IMPA2: variants seen among roughly 807,000 people sequenced by gnomAD.
IMPA2 encodes the protein IMP 2.
In IMPA2, 32 loss-of-function variants were observed where a neutral mutation model predicts 35.1. The observed-to-expected ratio is 0.91, with a 90% CI of 0.69 to 1.23. The LOEUF (loss-of-function observed/expected upper bound fraction) is 1.23. Ranked by LOEUF, IMPA2 falls within the 50% of genes most tolerant of loss-of-function variation. The pLI is 0.00. For missense variants in IMPA2, 334 were observed against 387.6 expected (o/e 0.86, Z 1.16); for synonymous variants, 135 against 160.6 (o/e 0.84, Z 1.20).
At chr18:12,021,422 G>A (rs1762559735) in intron 5 of IMPA2, among the ~76,000 whole-genome samples, 1 of 150,914 alleles carries the variant, frequency 6.6e-6, no homozygotes, top group South Asian at 2.1e-4. Flanking sequence ...ACTGATGAAA[G>A]TGTAGTCACA....
At chr18:12,029,356 CG>C (rs1356094197) in intron 7 of IMPA2, among the ~76,000 whole-genome samples, 1 of 151,554 alleles carries the variant, frequency 6.6e-6, no homozygotes. Flanking sequence ...CCTCGTGATC[CG>C]CCTGCCTCGG....
At position 11,981,577 on chromosome 18, in the gene IMPA2, G is replaced by A; in HGVS notation, c.-93G>A. The A allele has an allele frequency of 2.5e-6, 2 of 795,016 alleles. No homozygotes were observed. The highest frequency in any genetic ancestry group is 3.4e-6 in the Non-Finnish European group (2 of 590,760). The allele number at this position is 795,016 out of a possible 1,614,324, so 49.2% of individuals were successfully genotyped here. On this transcript the variant is annotated 5_prime_UTR_variant, in exon 1 of 8. Transcript: ENST00000269159. ...ACAGAGCTGCGGGAGCAGGCACAGGGAGTGTGGAGCCTGGCGGCGGGACGG... is the reference window on the plus strand; with the variant it reads ...ACAGAGCTGCGGGAGCAGGCACAGGAAGTGTGGAGCCTGGCGGCGGGACGG...
chr18:11,998,179 G>GCAAAA (rs1030668158), intron 1 of IMPA2, among the ~76,000 whole-genome samples: 3 of 152,114 alleles, frequency 2.0e-5, no homozygotes, highest in Non-Finnish European at 4.4e-5. Flanking sequence ...ACAAAACAAA[G>GCAAAA]CAAAACAAAA....
At position 12,030,695 on chromosome 18, in the gene IMPA2, C is replaced by A. The variant is rs552281137; in HGVS notation, c.*237C>A. On this transcript the variant is annotated 3_prime_UTR_variant, in exon 8 of 8. Transcript: ENST00000269159. ...TCACGTAGCCTTTTTCAGGTTAGTA[C>A]GTGTTCTTCTGTCAGGGCCAAAACT... is the stretch of plus-strand genomic sequence containing the variant. The A allele has an allele frequency of 9.9e-6, 5 of 503,042 alleles. No homozygotes were observed. Among genetic ancestry groups the A allele is most frequent in the East Asian group, 3.5e-5 (1 of 28,918 alleles). 31.2% of individuals were successfully genotyped at this position (503,042 alleles called of 1,614,324 possible). A position where few individuals can be genotyped will look rare whatever the true frequency, so the allele number is the denominator to read the frequency against.
chr18:12,028,333 C>T lies in IMPA2; in HGVS notation c.599+182C>T. Reference sequence around the variant, plus strand: ...CGCCTGCAGTAGATACTCCTATAGCCAGGCCTCTGGAGATGCGTGGGCACC... The same window carrying T: ...CGCCTGCAGTAGATACTCCTATAGCTAGGCCTCTGGAGATGCGTGGGCACC... On this transcript the variant is annotated intron_variant, in intron 6 of 7. Coordinates refer to ENST00000269159, the MANE Select transcript of IMPA2 (RefSeq NM_014214.3). The T allele has an allele frequency of 8.6e-6, 5 of 584,428 alleles. No homozygotes were observed. In the South Asian group the frequency reaches 1.1e-4, roughly 13 times the overall value. The allele number at this position is 584,428 out of a possible 1,614,324, so 36.2% of individuals were successfully genotyped here.
At chr18:11,986,059 C>T (rs980461994) in intron 1 of IMPA2, among the ~76,000 whole-genome samples, 1 of 152,152 alleles carries the variant, frequency 6.6e-6, no homozygotes, top group African/African-American at 2.4e-5. Flanking sequence ...TCATTAGCTT[C>T]ACAGGAAATT....
intron 2 of IMPA2, among the ~76,000 whole-genome samples, chr18:12,004,295 A>C (rs1435872575): frequency 1.3e-5 from 2 of 152,166 alleles, no homozygotes; most frequent in Non-Finnish European, 2.9e-5. Context: ...AAGAAAGAAA[A>C]AAGGGGCTTA....
intron 2 of IMPA2, among the ~76,000 whole-genome samples, chr18:12,001,093 G>A (rs1907104154): frequency 2.6e-5 from 4 of 151,782 alleles, no homozygotes; most frequent in Admixed American, 2.6e-4. Flanking sequence ...GCCGGGTGTG[G>A]TGGCGTGGGC....
At chr18:12,005,311 T>C (rs547124478) in intron 2 of IMPA2, among the ~76,000 whole-genome samples, 3 of 152,256 alleles carry the variant, frequency 2.0e-5, no homozygotes, top group East Asian at 3.9e-4. Flanking sequence ...CTTAGAGTTA[T>C]TCTCATAAAA....
chr18:11,986,986 G>T (rs1411265034), intron 1 of IMPA2, among the ~76,000 whole-genome samples: 2 of 152,078 alleles, frequency 1.3e-5, no homozygotes, highest in African/African-American at 4.8e-5. Context: ...GTTTTGTTTT[G>T]CTTTGCATTT....
At chr18:12,018,786 G>A (rs2143816569) in intron 5 of IMPA2, among the ~76,000 whole-genome samples, 2 of 152,126 alleles carry the variant, frequency 1.3e-5, no homozygotes, top group East Asian at 3.9e-4. Context: ...ATCTGCTTCT[G>A]CATTCAATCT....
intron 2 of IMPA2, among the ~76,000 whole-genome samples, chr18:12,002,210 TAAGTA>T (rs1216293650): frequency 1.3e-5 from 2 of 152,236 alleles, no homozygotes; most frequent in African/African-American, 4.8e-5. Flanking sequence ...TTCTGCTTTC[TAAGTA>T]TTTAAATATA....
At position 11,981,656 on chromosome 18, in the gene IMPA2, C is replaced by A; in HGVS notation, c.-14C>A. On this transcript the variant is annotated 5_prime_UTR_variant, in exon 1 of 8. Coordinates refer to ENST00000269159, the MANE Select transcript of IMPA2 (RefSeq NM_014214.3). ...CGAGGGGGGCTGGAGGTGGAGGGGC[C>A]CGGCGAGGCCGCGATGAAGCCGAGC... 8.1e-7 allele frequency: 1 copy of A among 1,228,126 alleles called. No homozygotes were observed. Among genetic ancestry groups the A allele is most frequent in the East Asian group, 3.2e-5 (1 of 31,356 alleles). The allele number at this position is 1,228,126 out of a possible 1,614,324, so 76.1% of individuals were successfully genotyped here.
intron 1 of IMPA2, chr18:11,993,917 C>T (rs1906884326): frequency 6.6e-6 from 1 of 152,202 alleles, no homozygotes; most frequent in Non-Finnish European, 1.5e-5. Context: ...ATTGTGAGGC[C>T]AGGTCTAGTG....
chr18:12,019,380 G>C (rs904602739), intron 5 of IMPA2, among the ~76,000 whole-genome samples: 2 of 151,612 alleles, frequency 1.3e-5, no homozygotes, highest in Non-Finnish European at 2.9e-5. Context: ...TCAGCTTCCG[G>C]AGTAGCTGGA....
rs181286631 is a variant in IMPA2 at position 12,017,263 on chromosome 18, C to T, written c.490+2890C>T. Among the ~76,000 whole-genome samples, 500 of 152,332 alleles carry T rather than the reference C, an allele frequency of 3.3e-3. 3 individuals are homozygous for T. Among genetic ancestry groups the T allele is most frequent in the African/African-American group, 0.01 (425 of 41,572 alleles). On this transcript the variant is annotated intron_variant, in intron 5 of 7. Transcript: ENST00000269159. ...CCCTCACATGGCAGCACGCCTGCTT[C>T]GTGTGTGTCCACCAGCTCCCGCCAC...
chr18:11,993,821 C>T (rs559502327), intron 1 of IMPA2, among the ~76,000 whole-genome samples: 1 of 152,268 alleles, frequency 6.6e-6, no homozygotes, highest in East Asian at 1.9e-4. Flanking sequence ...AGGGAGGACA[C>T]TCGAGGGGGC....
chr18:12,019,068 C>T (rs1907658710), intron 5 of IMPA2, among the ~76,000 whole-genome samples: 1 of 152,162 alleles, frequency 6.6e-6, no homozygotes, highest in Non-Finnish European at 1.5e-5. Flanking sequence ...TCAAGCCATC[C>T]TCCCACCTCA....
chr18:12,004,531 T>TG lies in IMPA2; in HGVS notation c.230+5347dup, dbSNP rs1175215442. On this transcript the variant is annotated intron_variant, in intron 2 of 7. Transcript: ENST00000269159. ...TGCATTTTTTTTCCTATTTATATTG[T>TG]GGGTTTTTTTTTTTTTTGAGATGGA... Among the ~76,000 whole-genome samples the TG allele has an allele frequency of 3.1e-4, 47 of 150,456 alleles. No homozygotes were observed. The South Asian group carries it at 9.8e-3, about 32-fold the overall frequency.
Sources: gnomAD v4.1 joint callset for allele counts (sites outside exome capture counted in the v4.1 genomes callset) on GRCh38, gnomAD v4.1.1 for gene constraint, MANE v1.5 for transcripts, NCBI Gene and HGNC (gene_info 2026-07-23, HGNC 2026-07-21) for gene names.